Variants in SARS1 observed in about 807,000 individuals in gnomAD.
The protein encoded by SARS1 is serine--tRNA ligase, cytoplasmic.
Under a neutral mutation model 63.7 loss-of-function variants are expected in SARS1, and 25 were observed. The ratio of observed to expected loss-of-function variants is 0.39; its 90% CI spans 0.29 to 0.55. The LOEUF (loss-of-function observed/expected upper bound fraction) is 0.55, where lower values mean the gene tolerates loss of function less well. Among genes scored for constraint, SARS1 ranks in the 20% least tolerant of loss-of-function variants. The pLI is 0.62. For synonymous variants in SARS1, 231 were observed against 243.5 expected (o/e 0.95, Z 0.48); for missense variants, 417 against 649.7 (o/e 0.64, Z 3.89).
chr1:109,236,193 C>T (rs755545762), intron 8 of SARS1, 87 bp downstream of exon 8: 80 of 1,474,200 alleles, frequency 5.4e-5, no homozygotes, highest in Non-Finnish European at 7.2e-5. Context: ...AGAGAAACAG[C>T]TCACAATTCA....
Position 109,231,655 on chromosome 1 carries a change from G to T in SARS1, c.616G>T (p.Ala206Ser). Residue 206 changes from alanine (A) to serine (S), a missense_variant, in exon 6 of 11, where the codon GCT (alanine) becomes TCT (serine). Coordinates refer to ENST00000234677, the MANE Select transcript of SARS1 (RefSeq NM_006513.4). The part of the protein sequence containing the change: ...LKGVLVFLEQ[A>S]LIQYALRTLG... Reference sequence around the variant, plus strand: ...GGGGGTCCTGGTGTTCCTGGAACAGGCTCTCATCCAGTATGCCCTTCGCAC... The same window carrying T: ...GGGGGTCCTGGTGTTCCTGGAACAGTCTCTCATCCAGTATGCCCTTCGCAC... 2 of 1,562,218 alleles carry T rather than the reference G, an allele frequency of 1.3e-6. No homozygotes were observed. The highest frequency in any genetic ancestry group is 1.2e-5 in the South Asian group (1 of 83,678).
At chr1:109,223,269 A>C (rs1215556758) in intron 1 of SARS1, among the ~76,000 whole-genome samples, 3 of 152,236 alleles carry the variant, frequency 2.0e-5, no homozygotes, top group Non-Finnish European at 2.9e-5. Flanking sequence ...TCTAGCATGG[A>C]GAGGTAGCAA....
intron 5 of SARS1, 160 bp downstream of exon 5, chr1:109,231,181 G>A: frequency 2.6e-6 from 1 of 384,830 alleles, no homozygotes; most frequent in Non-Finnish European, 4.2e-6. Context: ...GCAATTAGAT[G>A]CAATTCTCTT....
chr1:109,236,627 C>A, intron 9 of SARS1, 79 bp downstream of exon 9: 17 of 1,537,854 alleles, frequency 1.1e-5, no homozygotes, highest in Non-Finnish European at 1.4e-5. Context: ...CTTTGGGGTG[C>A]ACTGGTCCCC....
At chr1:109,224,157 T>C (rs1655016597) in intron 2 of SARS1, 109 bp downstream of exon 2, 1 of 832,168 alleles carries the variant, frequency 1.2e-6, no homozygotes, top group Non-Finnish European at 2.0e-6. Flanking sequence ...GTCTACAAGA[T>C]GTTCAATTTC....
At chr1:109,217,958 G>A (rs1472168900) in intron 1 of SARS1, among the ~76,000 whole-genome samples, 2 of 152,022 alleles carry the variant, frequency 1.3e-5, no homozygotes, top group African/African-American at 4.8e-5. Flanking sequence ...TTGGGAGGCC[G>A]AGGCAGGCAG....
Position 109,235,212 on chromosome 1 carries a change from G to T in SARS1, c.750G>T (p.Val250=). The T allele has an allele frequency of 1.2e-6, 2 of 1,613,608 alleles. No individual in the cohort carries two copies. The highest frequency in any genetic ancestry group is 1.7e-6 in the Non-Finnish European group (2 of 1,179,518). The change falls in exon 7 of 11, where the codon GTG becomes GTT. Residue 250 remains valine, a splice_region_variant and synonymous_variant. Transcript: ENST00000234677. The surrounding 1 kb of genome is among the most constrained non-coding windows in gnomAD (Gnocchi z 4.7). The stretch of plus-strand genomic sequence containing the variant: ...GGTATAGCTCCTTCCTTCCACAGGT[G>T]ATTGGCAAAGGCAGTGAAAAGTCTG... The part of the protein sequence containing the change: ...LSQFDEELYK[V]IGKGSEKSDD...
chr1:109,231,450 T>C (rs1054662746), intron 5 of SARS1, 181 bp from the exon 6 acceptor site: 3 of 435,282 alleles, frequency 6.9e-6, no homozygotes, highest in Non-Finnish European at 1.2e-5. Flanking sequence ...TGGGCTTCAG[T>C]GTTCAGAACG....
intron 1 of SARS1, among the ~76,000 whole-genome samples, chr1:109,218,382 T>C (rs1200321929): frequency 6.8e-6 from 1 of 146,916 alleles, no homozygotes; most frequent in African/African-American, 2.5e-5. Flanking sequence ...AAAAAAAAAT[T>C]ACTGAAACTA....
intron 5 of SARS1, 103 bp from the exon 6 acceptor site, chr1:109,231,528 G>T (rs549722301): frequency 1.0e-6 from 1 of 999,398 alleles, no homozygotes; most frequent in East Asian, 2.9e-5. Flanking sequence ...CTTGCCCCTC[G>T]GTAGTCCTGT....
intron 1 of SARS1, among the ~76,000 whole-genome samples, chr1:109,217,454 C>A (rs1216331911): frequency 1.3e-5 from 2 of 150,672 alleles, no homozygotes; most frequent in Non-Finnish European, 3.0e-5. Context: ...TTGTTTGTAT[C>A]CAATATAAAA....
At position 109,235,748 on chromosome 1, in the gene SARS1, G is replaced by A. The variant is rs535244105; in HGVS notation, c.970-229G>A. On this transcript the variant is annotated intron_variant, in intron 7 of 10. Coordinates refer to ENST00000234677, the MANE Select transcript of SARS1 (RefSeq NM_006513.4). The surrounding 1 kb of genome is among the most constrained non-coding windows in gnomAD (Gnocchi z 4.7). ...CAGGCCTATTGTGGCCTATTGTGAG[G>A]ATTATCCCAGTCACTATATGTAAAG... Among the ~76,000 whole-genome samples, 1 of 152,320 alleles carries A rather than the reference G, an allele frequency of 6.6e-6. No homozygotes were observed. The highest frequency in any genetic ancestry group is 2.1e-4 in the South Asian group (1 of 4,824).
At position 109,214,053 on chromosome 1, in the gene SARS1, G is replaced by C; in HGVS notation, c.61G>C (p.Glu21Gln). 2 of 1,614,178 alleles carry C rather than the reference G, an allele frequency of 1.2e-6. No individual in the cohort carries two copies. Among genetic ancestry groups the C allele is most frequent in the Non-Finnish European group, 1.7e-6 (2 of 1,179,996 alleles). The change falls in exon 1 of 11, where the codon GAG (glutamate) becomes CAG (glutamine). Residue 21 changes from glutamate (E) to glutamine (Q), a missense_variant. Around this residue, in one of 3 missense-constraint regions of SARS1, gnomAD observed 359 missense variants for 529.6 expected, o/e 0.68. Transcript: ENST00000234677. The surrounding 1 kb of genome is among the most constrained non-coding windows in gnomAD (Gnocchi z 4.6). ...DKGGDPALIR[E>Q]TQEKRFKDPG... ...AGGAGGGGACCCAGCCCTCATCCGAGAGACGCAGGAGAAGCGCTTCAAGGA... is the reference window on the plus strand; with the variant it reads ...AGGAGGGGACCCAGCCCTCATCCGACAGACGCAGGAGAAGCGCTTCAAGGA...
rs370089839 is a variant in SARS1, at chr1:109,213,952, C to T, written c.-41C>T. 5 of 1,573,502 alleles carry T rather than the reference C, an allele frequency of 3.2e-6. No homozygotes were observed. Among genetic ancestry groups the T allele is most frequent in the Admixed American group, 3.6e-5 (2 of 56,018 alleles). ...CGGTCACAGGCTGAGTGCTGCGGCGCGATCCTTGCTTCCCTGAGCGTTGGC... is the reference window on the plus strand; with the variant it reads ...CGGTCACAGGCTGAGTGCTGCGGCGTGATCCTTGCTTCCCTGAGCGTTGGC... On this transcript the variant is annotated 5_prime_UTR_variant, in exon 1 of 11. Transcript: ENST00000234677.
At chr1:109,236,246 TG>T in intron 8 of SARS1, 140 bp downstream of exon 8, 1 of 1,278,088 alleles carries the variant, frequency 7.8e-7, no homozygotes, top group Non-Finnish European at 1.1e-6. Flanking sequence ...TCTTCTCACT[TG>T]GGAGTATTTG....
At position 109,237,908 on chromosome 1, in the gene SARS1, T is replaced by C; in HGVS notation, c.*20T>C. Reference sequence around the variant, plus strand: ...GCTTGAACATTCCTGCCTCCCTATTTGCCAGGCTTTCATTTCTGTCTGCTG... The same window carrying C: ...GCTTGAACATTCCTGCCTCCCTATTCGCCAGGCTTTCATTTCTGTCTGCTG... On this transcript the variant is annotated 3_prime_UTR_variant, in exon 11 of 11. Coordinates refer to ENST00000234677, the MANE Select transcript of SARS1 (RefSeq NM_006513.4). The surrounding 1 kb of genome is among the most constrained non-coding windows in gnomAD (Gnocchi z 4.1). The C allele has an allele frequency of 6.2e-7, 1 of 1,612,918 alleles. No homozygotes were observed.
chr1:109,224,168 T>A, intron 2 of SARS1, 120 bp downstream of exon 2: 1 of 754,120 alleles, frequency 1.3e-6, no homozygotes, highest in Non-Finnish European at 2.3e-6. Context: ...GTTCAATTTC[T>A]TACCAAAGGG....
rs756848082 is a variant in SARS1, at chr1:109,235,327, G to A, written c.865G>A (p.Asp289Asn). The A allele has an allele frequency of 2.5e-6, 4 of 1,614,062 alleles. No homozygotes were observed. Among genetic ancestry groups the A allele is most frequent in the Middle Eastern group, 1.7e-4 (1 of 6,058 alleles). Residue 289 changes from aspartate to asparagine, a missense_variant, in exon 7 of 11, where the codon GAC becomes AAC. Coordinates refer to ENST00000234677, the MANE Select transcript of SARS1 (RefSeq NM_006513.4). This position sits in a 1 kb window ranked among gnomAD's most constrained non-coding sequence, Gnocchi z 4.7. ...LHRDEWLRPEDLPIKYAGLST... is the reference protein window; with the variant it reads ...LHRDEWLRPENLPIKYAGLST... ...CCGGGATGAGTGGCTCCGGCCGGAG[G>A]ACCTGCCCATCAAGTATGCTGGCCT...
intron 1 of SARS1, among the ~76,000 whole-genome samples, chr1:109,221,649 G>T (rs1047746883): frequency 6.6e-6 from 1 of 151,994 alleles, no homozygotes; most frequent in African/African-American, 2.4e-5. Context: ...CAGTTTAGAA[G>T]CACCAGGTGC....
Sources: allele counts gnomAD v4.1 joint callset (sites outside exome capture counted in the v4.1 genomes callset), GRCh38; gene constraint gnomAD v4.1.1; regional missense constraint gnomAD v4.1.1; non-coding constraint Gnocchi (gnomAD v3.1); transcripts MANE v1.5; gene names NCBI Gene and HGNC (gene_info 2026-07-23, HGNC 2026-07-21).